Variants in ANKRD13B observed in about 807,000 individuals in gnomAD.
ANKRD13B encodes ankyrin repeat domain-containing protein 13B.
ANKRD13B carries 33 observed loss-of-function variants against 74.4 expected under a neutral mutation model. The ratio of observed to expected loss-of-function variants is 0.44; its 90% confidence interval spans 0.34 to 0.59. The LOEUF (loss-of-function observed/expected upper bound fraction) is 0.59, where lower values mean the gene tolerates loss of function less well. Ranked by LOEUF, ANKRD13B falls within the 20% of genes least tolerant of loss-of-function variation. The pLI is 0.02. For synonymous variants in ANKRD13B, 341 were observed against 362.9 expected, an observed-to-expected ratio of 0.94 and a Z score of 0.68; for missense variants, 676 against 877.9, an observed-to-expected ratio of 0.77 and a Z score of 2.91.
In ANKRD13B at chr17:29,609,255, C is replaced by T. The variant is rs2034495156; in HGVS notation, c.735C>T (p.Thr245=). ...TAPVVTTQLD[T]KNISFERNKT... is the part of the protein sequence containing the mutation. ...CCGTCGTCACCACTCAGCTTGACACCAAGAATATCTCCTTTGAGAGGTGGG... is the reference window on the plus strand; with the variant it reads ...CCGTCGTCACCACTCAGCTTGACACTAAGAATATCTCCTTTGAGAGGTGGG... The change falls in exon 6 of 15, where the codon ACC becomes ACT. Residue 245 remains threonine (T), a synonymous_variant. Transcript: ENST00000394859. This position sits in a 1 kb window ranked among gnomAD's most constrained non-coding sequence, Gnocchi z 4.0. The T allele has an allele frequency of 1.9e-6, 3 of 1,612,872 alleles. No individual in the cohort carries two copies. Among genetic ancestry groups the T allele is most frequent in the Non-Finnish European group, 2.5e-6 (3 of 1,179,628 alleles).
At chr17:29,598,136 A>G (rs1287025030) in intron 1 of ANKRD13B, among the ~76,000 whole-genome samples, 2 of 152,126 alleles carry the variant, frequency 1.3e-5, no homozygotes, top group African/African-American at 2.4e-5. Context: ...CAGCCCAACC[A>G]GGATTGGACA....
chr17:29,612,393 C>A lies in ANKRD13B; in HGVS notation c.1259-9C>A. On this transcript the variant is annotated splice_polypyrimidine_tract_variant and intron_variant, in intron 11 of 14. Coordinates refer to ENST00000394859, the MANE Select transcript of ANKRD13B (RefSeq NM_152345.5). The surrounding 1 kb of genome is among the most constrained non-coding windows in gnomAD (Gnocchi z 6.1). ...GAGTGGTGGCGCCTAAAGGTTTCCT[C>A]ATCCTCAGAAATCCCGATCTTCCAC... 2 of 1,612,878 alleles carry A rather than the reference C, an allele frequency of 1.2e-6. No individual in the cohort carries two copies. The highest frequency in any genetic ancestry group is 1.7e-6 in the Non-Finnish European group (2 of 1,179,486).
rs1308635039 is a variant in ANKRD13B, at chr17:29,612,978, G to A, written c.1652+15G>A. 2 of 1,594,226 alleles carry A rather than the reference G, an allele frequency of 1.3e-6. No individual in the cohort carries two copies. The highest frequency in any genetic ancestry group is 1.7e-6 in the Non-Finnish European group (2 of 1,177,976). On this transcript the variant is annotated intron_variant, in intron 14 of 14. Transcript: ENST00000394859. This position sits in a 1 kb window ranked among gnomAD's most constrained non-coding sequence, Gnocchi z 6.1. ...CGACAGGACAGGTCAGTGCCCGCTG[G>A]GCCGGAGAGAATCCTCCGGAGAGGA...
intron 1 of ANKRD13B, among the ~76,000 whole-genome samples, chr17:29,597,675 C>G (rs2034001235): frequency 6.6e-6 from 1 of 152,118 alleles, no homozygotes; most frequent in African/African-American, 2.4e-5. Context: ...TTAATGAATT[C>G]TCCTACCTGG....
chr17:29,611,856 C>A lies in ANKRD13B; in HGVS notation c.970-20C>A, dbSNP rs755694171. 6.2e-5 allele frequency: 97 copies of A among 1,571,444 alleles called. No homozygotes were observed. The highest frequency in any genetic ancestry group is 1.7e-4 in the Middle Eastern group (1 of 5,852). Reference sequence around the variant, plus strand: ...TTAGGAACTGAGGGGAGCTCCTGGGCCCCTCCCCATGTGGTACAGACCCTG... The same window carrying A: ...TTAGGAACTGAGGGGAGCTCCTGGGACCCTCCCCATGTGGTACAGACCCTG... On this transcript the variant is annotated intron_variant, in intron 9 of 14. Coordinates refer to ENST00000394859, the MANE Select transcript of ANKRD13B (RefSeq NM_152345.5). The surrounding 1 kb of genome is among the most constrained non-coding windows in gnomAD (Gnocchi z 4.3).
At chr17:29,594,810 A>G (rs1250681060) in intron 1 of ANKRD13B, among the ~76,000 whole-genome samples, 1 of 152,172 alleles carries the variant, frequency 6.6e-6, no homozygotes, top group Non-Finnish European at 1.5e-5. Flanking sequence ...AGGGCTGCTT[A>G]TTGAGTCATG....
At chr17:29,594,648 G>A (rs188240668) in intron 1 of ANKRD13B, among the ~76,000 whole-genome samples, 2 of 152,218 alleles carry the variant, frequency 1.3e-5, no homozygotes, top group Admixed American at 6.5e-5. Flanking sequence ...ATGACCCCCC[G>A]CCTCCAGGGT....
intron 1 of ANKRD13B, among the ~76,000 whole-genome samples, chr17:29,594,839 G>C (rs1380171240): frequency 2.0e-5 from 3 of 152,224 alleles, no homozygotes; most frequent in Non-Finnish European, 4.4e-5. Context: ...AGTCTGAGGA[G>C]CTGTGCAATC....
At chr17:29,606,541 CAGTG>C (rs2034382441) in intron 1 of ANKRD13B, among the ~76,000 whole-genome samples, 2 of 151,268 alleles carry the variant, frequency 1.3e-5, no homozygotes, top group Non-Finnish European at 3.0e-5. Flanking sequence ...CTGGGTGACA[CAGTG>C]AGACTCTGTC....
In ANKRD13B at chr17:29,611,513, C is replaced by T. The variant is rs2034578412; in HGVS notation, c.905-66C>T. ...CCTCCCTAGGTCTTGGGTGCTGTCA[C>T]CTCTGATGAGGTGCCCAGGTGTGTG... On this transcript the variant is annotated intron_variant, in intron 8 of 14. Coordinates refer to ENST00000394859, the MANE Select transcript of ANKRD13B (RefSeq NM_152345.5). This position sits in a 1 kb window ranked among gnomAD's most constrained non-coding sequence, Gnocchi z 4.3. The T allele has an allele frequency of 1.3e-6, 2 of 1,559,194 alleles. No individual in the cohort carries two copies. Among genetic ancestry groups the T allele is most frequent in the Non-Finnish European group, 8.8e-7 (1 of 1,130,938 alleles).
intron 1 of ANKRD13B, among the ~76,000 whole-genome samples, chr17:29,600,185 T>C (rs1321403613): frequency 6.6e-6 from 1 of 152,142 alleles, no homozygotes; most frequent in Non-Finnish European, 1.5e-5. Context: ...CGTCTTAGCA[T>C]CTAATTTGTA....
At chr17:29,596,560 G>A (rs1020153868) in intron 1 of ANKRD13B, among the ~76,000 whole-genome samples, 1 of 152,198 alleles carries the variant, frequency 6.6e-6, no homozygotes, top group Non-Finnish European at 1.5e-5. Flanking sequence ...TGTGTGGGCT[G>A]GGCCTGGGGA....
At chr17:29,600,038 A>G (rs997793781) in intron 1 of ANKRD13B, among the ~76,000 whole-genome samples, 12 of 151,662 alleles carry the variant, frequency 7.9e-5, no homozygotes, top group East Asian at 7.8e-4. Context: ...CACCACGCCC[A>G]GCTAATTTTT....
At position 29,593,558 on chromosome 17, in the gene ANKRD13B, C is replaced by A; in HGVS notation, c.-64C>A. ...GGCCCCCCGCCCCGCGGCCCCGGGCCCCGGCTCCGGCGCCGTCCCTCCTCC... is the reference window on the plus strand; with the variant it reads ...GGCCCCCCGCCCCGCGGCCCCGGGCACCGGCTCCGGCGCCGTCCCTCCTCC... On this transcript the variant is annotated 5_prime_UTR_variant, in exon 1 of 15. Transcript: ENST00000394859. 1.2e-6 allele frequency: 1 copy of A among 812,388 alleles called. No individual in the cohort carries two copies. Among genetic ancestry groups the A allele is most frequent in the Non-Finnish European group, 1.5e-6 (1 of 654,714 alleles). The allele number at this position is 812,388 out of a possible 1,614,324, so 50.3% of individuals were successfully genotyped here. A position where few individuals can be genotyped will look rare whatever the true frequency, so the allele number is the denominator to read the frequency against.
rs1166763492 is a variant in ANKRD13B, at chr17:29,612,365, G to A, written c.1259-37G>A. The A allele has an allele frequency of 6.2e-7, 1 of 1,611,922 alleles. No homozygotes were observed. The highest frequency in any genetic ancestry group is 1.7e-5 in the Admixed American group (1 of 59,900). ...TGGGGCTGAGGCTGAGGTGTGAGGG[G>A]CTGAGTGGTGGCGCCTAAAGGTTTC... On this transcript the variant is annotated intron_variant, in intron 11 of 14. Coordinates refer to ENST00000394859, the MANE Select transcript of ANKRD13B (RefSeq NM_152345.5). The surrounding 1 kb of genome is among the most constrained non-coding windows in gnomAD (Gnocchi z 6.1).
At chr17:29,595,576 G>C (rs1208187154) in intron 1 of ANKRD13B, among the ~76,000 whole-genome samples, 1 of 152,222 alleles carries the variant, frequency 6.6e-6, no homozygotes, top group East Asian at 1.9e-4. Flanking sequence ...GGGGTGGGGG[G>C]CACCGGAGCC....
intron 1 of ANKRD13B, among the ~76,000 whole-genome samples, chr17:29,606,759 A>T (rs57541684): frequency 0.057 from 6,567 of 115,768 alleles, 611 homozygotes; most frequent in African/African-American, 0.2. Context: ...AAAAAAAAAA[A>T]ATCTTTTGTC....
At chr17:29,593,763 G>A (rs891079412) in intron 1 of ANKRD13B, 28 bp downstream of exon 1, 2 of 1,340,556 alleles carry the variant, frequency 1.5e-6, no homozygotes, top group Non-Finnish European at 9.7e-7. Flanking sequence ...GCGCCGCGGG[G>A]ACCCCGCGGC....
chr17:29,607,711 G>A (rs773144437), intron 1 of ANKRD13B, 31 bp from the exon 2 acceptor site: 1 of 1,584,282 alleles, frequency 6.3e-7, no homozygotes, highest in East Asian at 2.2e-5. Context: ...CGTGACTGGG[G>A]CTTTATCTTC....
Sources: allele counts gnomAD v4.1 joint callset (sites outside exome capture counted in the v4.1 genomes callset), GRCh38; gene constraint gnomAD v4.1.1; non-coding constraint Gnocchi (gnomAD v3.1); transcripts MANE v1.5; gene names NCBI Gene and HGNC (gene_info 2026-07-23, HGNC 2026-07-21).